BCAS3: variants seen among roughly 807,000 people sequenced by gnomAD.
The protein encoded by BCAS3 is BCAS4/BCAS3 fusion.
Under a neutral mutation model 116.1 loss-of-function variants are expected in BCAS3, and 53 were observed. That is an observed-to-expected ratio of 0.46 (90% CI 0.37 to 0.57). The LOEUF (loss-of-function observed/expected upper bound fraction) is 0.57, where lower values mean the gene tolerates loss of function less well. BCAS3 is among the 20% of genes least tolerant of loss of function. BCAS3 has a pLI of 0.00. For synonymous variants in BCAS3, 391 were observed against 408.2 expected (o/e 0.96, Z 0.51); for missense variants, 917 against 1,165.4 (o/e 0.79, Z 3.10).
chr17:60,997,138 G>T (rs1600323491), intron 15 of BCAS3, among the ~76,000 whole-genome samples: 2 of 152,158 alleles, frequency 1.3e-5, no homozygotes, highest in East Asian at 3.8e-4. Context: ...AACAGGGTCT[G>T]TGCTCTGATG....
Position 61,244,143 on chromosome 17 carries a change from A to G in BCAS3, c.2426-124184A>G, listed in dbSNP as rs942792702. Among the ~76,000 whole-genome samples the G allele has an allele frequency of 6.6e-6, 1 of 152,198 alleles. No individual in the cohort carries two copies. The highest frequency in any genetic ancestry group is 1.5e-5 in the Non-Finnish European group (1 of 68,032). ...TTTTTAAACCTCTTTTTTTAACTCA[A>G]GTAATACATATTTATTATTTAAAAA... On this transcript the variant is annotated intron_variant, in intron 22 of 23. Transcript: ENST00000407086. This position sits in a 1 kb window ranked among gnomAD's most constrained non-coding sequence, Gnocchi z 4.9.
chr17:61,166,180 G>C (rs879801984), intron 22 of BCAS3, among the ~76,000 whole-genome samples: 15 of 152,078 alleles, frequency 9.9e-5, no homozygotes, highest in Admixed American at 2.0e-4. Context: ...TTATCATCAA[G>C]CAAAATCCTC....
intron 13 of BCAS3, among the ~76,000 whole-genome samples, chr17:60,936,261 T>A (rs2059920139): frequency 6.7e-6 from 1 of 149,302 alleles, no homozygotes; most frequent in African/African-American, 2.5e-5. Flanking sequence ...TCTATCATTG[T>A]TGGACATTTG....
At chr17:61,230,705 G>T (rs2144430886) in intron 22 of BCAS3, among the ~76,000 whole-genome samples, 1 of 152,262 alleles carries the variant, frequency 6.6e-6, no homozygotes. Context: ...TGGGCACCAA[G>T]GTTGATTCCA....
intron 13 of BCAS3, among the ~76,000 whole-genome samples, chr17:60,929,325 A>T (rs1468687516): frequency 6.6e-6 from 1 of 152,198 alleles, no homozygotes; most frequent in East Asian, 1.9e-4. Context: ...CTTAATTGGG[A>T]GGCTGAGATG....
At chr17:61,334,882 C>T (rs2143158786) in intron 22 of BCAS3, among the ~76,000 whole-genome samples, 1 of 152,256 alleles carries the variant, frequency 6.6e-6, no homozygotes, top group South Asian at 2.1e-4. Context: ...GGGCCTTGGC[C>T]CAGTAGCTAA....
chr17:60,979,664 C>T (rs1291945141), intron 14 of BCAS3, among the ~76,000 whole-genome samples: 5 of 150,830 alleles, frequency 3.3e-5, no homozygotes, highest in Admixed American at 6.6e-5. Context: ...TTTTGAAATA[C>T]GTCCCATCAA....
chr17:60,864,665 C>T (rs2054441204), intron 7 of BCAS3, among the ~76,000 whole-genome samples: 1 of 152,154 alleles, frequency 6.6e-6, no homozygotes, highest in Admixed American at 6.5e-5. Context: ...TTAATTTCTT[C>T]AAGAACTTTT....
intron 7 of BCAS3, among the ~76,000 whole-genome samples, chr17:60,857,109 A>G (rs1345671639): frequency 6.6e-6 from 1 of 152,240 alleles, no homozygotes; most frequent in Non-Finnish European, 1.5e-5. Context: ...TTACATAAAG[A>G]AAAGGTCAGT....
At chr17:61,071,008 A>G (rs2071378711) in intron 19 of BCAS3, among the ~76,000 whole-genome samples, 1 of 152,204 alleles carries the variant, frequency 6.6e-6, no homozygotes, top group Non-Finnish European at 1.5e-5. Context: ...AACATTTTAG[A>G]TCTGTCCCTT....
In BCAS3 at chr17:61,368,471, G is replaced by A. The variant is rs907703048; in HGVS notation, c.2570G>A (p.Arg857Gln). Residue 857 changes from arginine (R) to glutamine (Q), a missense_variant, in exon 23 of 24, where the codon CGG becomes CAG. By Grantham distance (43) the Arg-to-Gln change is conservative (BLOSUM62 1). Coordinates refer to ENST00000407086, the MANE Select transcript of BCAS3 (RefSeq NM_017679.5). The surrounding 1 kb of genome is among the most constrained non-coding windows in gnomAD (Gnocchi z 6.0). ...GACGCCATGGCCGAGTCACCTAGCC[G>A]GGACGTCGTGGGATCCGGAACAGGT... ...LADAMAESPS[R>Q]DVVGSGTELQ... The A allele has an allele frequency of 6.8e-6, 11 of 1,607,884 alleles. No homozygotes were observed. The highest frequency in any genetic ancestry group is 6.7e-5 in the East Asian group (3 of 44,624).
At chr17:61,384,711 G>C (rs1440530931) in intron 23 of BCAS3, 2 of 152,420 alleles carry the variant, frequency 1.3e-5, no homozygotes, top group African/African-American at 4.8e-5. Context: ...CCCTGGTATA[G>C]CATGTGGTGA....
At chr17:61,382,791 A>G (rs2059670143) in intron 23 of BCAS3, 1 of 152,328 alleles carries the variant, frequency 6.6e-6, no homozygotes, top group African/African-American at 2.4e-5. Context: ...AACTGAAAGA[A>G]ACCATGAACA....
chr17:60,875,556 T>C (rs1181641652), intron 9 of BCAS3, among the ~76,000 whole-genome samples: 1 of 152,106 alleles, frequency 6.6e-6, no homozygotes, highest in Non-Finnish European at 1.5e-5. Flanking sequence ...AAAAACCTTT[T>C]ACTTAGAAGA....
intron 7 of BCAS3, among the ~76,000 whole-genome samples, chr17:60,842,472 T>C (rs1353941834): frequency 1.3e-5 from 2 of 152,096 alleles, no homozygotes; most frequent in Non-Finnish European, 2.9e-5. Context: ...TATGTGGTGA[T>C]TAAAAAAAGA....
rs145736556 is a variant in BCAS3, at chr17:61,304,784, G to A, written c.2426-63543G>A. ...TTTTTTTTTTTTGAGGCGGAGTTTC[G>A]CTCTTGTCGCCCAGGTTGGAGTGCA... On this transcript the variant is annotated intron_variant, in intron 22 of 23. Transcript: ENST00000407086. Among the ~76,000 whole-genome samples, 950 of 148,924 alleles carry A rather than the reference G, an allele frequency of 6.4e-3. 8 individuals carry two copies. The highest frequency in any genetic ancestry group is 7.4e-3 in the Non-Finnish European group (496 of 67,480).
rs1384895739 is a variant in BCAS3 at position 61,189,886 on chromosome 17, T to C, written c.2425+105322T>C. 6.6e-6 allele frequency among the ~76,000 whole-genome samples: 1 copy of C among 152,020 alleles called. No homozygotes were observed. The highest frequency in any genetic ancestry group is 6.6e-5 in the Admixed American group (1 of 15,264). On this transcript the variant is annotated intron_variant, in intron 22 of 23. Transcript: ENST00000407086. This position sits in a 1 kb window ranked among gnomAD's most constrained non-coding sequence, Gnocchi z 4.5. ...TAAAAATGTGGGAGTTATCAACATA[T>C]AGCTATGGAAGGTGAAAGGGAAAGT...
intron 10 of BCAS3, 22 bp downstream of exon 10, chr17:60,889,793 G>T (rs774991211): frequency 6.3e-7 from 1 of 1,593,300 alleles, no homozygotes; most frequent in Non-Finnish European, 8.6e-7. Flanking sequence ...CCTGTGTTTG[G>T]ATTATTTGTA....
rs2081083204 is a variant in BCAS3 at position 61,205,725 on chromosome 17, T to C, written c.2425+121161T>C. On this transcript the variant is annotated intron_variant, in intron 22 of 23. Transcript: ENST00000407086. The surrounding 1 kb of genome is among the most constrained non-coding windows in gnomAD (Gnocchi z 5.2). ...TTCCTTAGACTCTTGCCCAGCATGC[T>C]TTTCCCACTCTATTTAGTCTTAAAA... Among the ~76,000 whole-genome samples, 1 of 152,200 alleles carries C rather than the reference T, an allele frequency of 6.6e-6. No homozygotes were observed. The highest frequency in any genetic ancestry group is 1.5e-5 in the Non-Finnish European group (1 of 68,034).
Sources: gnomAD v4.1 joint callset for allele counts (sites outside exome capture counted in the v4.1 genomes callset) on GRCh38, gnomAD v4.1.1 for gene constraint, Gnocchi (gnomAD v3.1) non-coding constraint, MANE v1.5 for transcripts, NCBI Gene and HGNC (gene_info 2026-07-23, HGNC 2026-07-21) for gene names.